Variants in SHISA6 observed in about 807,000 individuals in gnomAD.
SHISA6 encodes the protein protein shisa-6.
SHISA6 carries 22 observed loss-of-function variants against 47.9 expected under a neutral mutation model. That is an observed-to-expected ratio of 0.46 (90% CI 0.33 to 0.66). The LOEUF (loss-of-function observed/expected upper bound fraction) is 0.66. SHISA6 is among the 30% of genes least tolerant of loss of function. SHISA6 has a pLI of 0.02. For missense variants in SHISA6, 680 were observed against 764.6 expected (o/e 0.89, Z 1.30); for synonymous variants, 388 against 337.8 (o/e 1.15, Z -1.63).
intron 3 of SHISA6, among the ~76,000 whole-genome samples, chr17:11,441,288 T>C (rs2142297520): frequency 6.6e-6 from 1 of 152,312 alleles, no homozygotes; most frequent in East Asian, 1.9e-4. Flanking sequence ...AATGGGAAGG[T>C]TTGAAAATAT....
chr17:11,450,381 G>A (rs1915363911), intron 3 of SHISA6, among the ~76,000 whole-genome samples: 3 of 152,082 alleles, frequency 2.0e-5, no homozygotes, highest in Admixed American at 2.0e-4. Context: ...CCAAGGTCGG[G>A]CGCAGTGGCT....
At chr17:11,261,745 G>A (rs993175329) in intron 1 of SHISA6, among the ~76,000 whole-genome samples, 4 of 152,158 alleles carry the variant, frequency 2.6e-5, no homozygotes, top group Admixed American at 2.0e-4. Flanking sequence ...CCCTTTGGCT[G>A]TTATTAATAC....
intron 3 of SHISA6, among the ~76,000 whole-genome samples, chr17:11,482,094 T>C (rs570456942): frequency 6.6e-6 from 1 of 152,086 alleles, no homozygotes; most frequent in African/African-American, 2.4e-5. Flanking sequence ...AAAAATGGAA[T>C]TGAATCAATA....
chr17:11,253,038 A>G (rs370797135), intron 1 of SHISA6, among the ~76,000 whole-genome samples: 1 of 152,202 alleles, frequency 6.6e-6, no homozygotes, highest in African/African-American at 2.4e-5. Flanking sequence ...AGAAGAATAT[A>G]TCGGGCTTTT....
intron 3 of SHISA6, among the ~76,000 whole-genome samples, chr17:11,472,276 G>A (rs1034275425): frequency 3.3e-5 from 5 of 151,786 alleles, no homozygotes; most frequent in African/African-American, 1.2e-4. Flanking sequence ...AGCTTACCAC[G>A]GCCTCGATCT....
At chr17:11,448,383 CCGGG>C (rs199587382) in intron 3 of SHISA6, among the ~76,000 whole-genome samples, 3,252 of 151,686 alleles carry the variant, frequency 0.021, 114 homozygotes, top group African/African-American at 0.075. Context: ...AAAAAATTAG[CCGGG>C]CGTGGTGGTG....
intron 1 of SHISA6, among the ~76,000 whole-genome samples, chr17:11,255,434 T>G (rs1391839930): frequency 6.6e-6 from 1 of 152,228 alleles, no homozygotes; most frequent in East Asian, 1.9e-4. Context: ...CCTGGCCAGT[T>G]TGATCTGTTT....
intron 2 of SHISA6, among the ~76,000 whole-genome samples, chr17:11,300,616 C>T (rs1313113584): frequency 1.3e-5 from 2 of 151,872 alleles, no homozygotes; most frequent in East Asian, 1.9e-4. Flanking sequence ...GCCTGTGTGC[C>T]CTTCTTGGGA....
intron 2 of SHISA6, among the ~76,000 whole-genome samples, chr17:11,368,890 C>T (rs58345877): frequency 0.16 from 23,811 of 152,124 alleles, 1,988 homozygotes; most frequent in East Asian, 0.23. Context: ...CTCCTGACTT[C>T]GTGATCCGCC....
chr17:11,410,252 A>G (rs7219050), intron 3 of SHISA6, among the ~76,000 whole-genome samples: 58,253 of 151,996 alleles, frequency 0.38, 11,426 homozygotes, highest in Middle Eastern at 0.46. Context: ...CCCTCAATCA[A>G]CAACCCTCGG....
At chr17:11,390,816 C>A (rs1475499396) in intron 3 of SHISA6, among the ~76,000 whole-genome samples, 2 of 152,134 alleles carry the variant, frequency 1.3e-5, no homozygotes, top group Non-Finnish European at 2.9e-5. Context: ...AAACCAGCAA[C>A]AGAGACATGT....
chr17:11,538,918 T>A (rs1007304558), intron 3 of SHISA6, among the ~76,000 whole-genome samples: 3 of 152,228 alleles, frequency 2.0e-5, no homozygotes, highest in African/African-American at 7.2e-5. Flanking sequence ...ATCACCTCTT[T>A]GTTTTTTTGT....
intron 2 of SHISA6, among the ~76,000 whole-genome samples, chr17:11,287,772 G>GA (rs1224883540): frequency 1.2e-5 from 1 of 85,488 alleles, no homozygotes; most frequent in Non-Finnish European, 2.4e-5. Flanking sequence ...GGGAAGGAAA[G>GA]AAGGAAGGCC....
chr17:11,299,175 T>C (rs1409332103), intron 2 of SHISA6, among the ~76,000 whole-genome samples: 3 of 152,220 alleles, frequency 2.0e-5, no homozygotes, highest in Non-Finnish European at 4.4e-5. Flanking sequence ...TGACCTCTAG[T>C]ACATTCTATT....
chr17:11,463,231 C>G (rs1915735107), intron 3 of SHISA6, among the ~76,000 whole-genome samples: 1 of 152,170 alleles, frequency 6.6e-6, no homozygotes, highest in African/African-American at 2.4e-5. Context: ...GTACCTACTT[C>G]AAAAGGGTAT....
intron 3 of SHISA6, among the ~76,000 whole-genome samples, chr17:11,414,292 T>G (rs1273908453): frequency 6.6e-6 from 1 of 152,180 alleles, no homozygotes; most frequent in Admixed American, 6.5e-5. Context: ...ATCTCATTCT[T>G]GACTTTGCTA....
chr17:11,390,855 G>A (rs1327113550), intron 3 of SHISA6, among the ~76,000 whole-genome samples: 3 of 152,138 alleles, frequency 2.0e-5, no homozygotes, highest in Non-Finnish European at 4.4e-5. Context: ...TGAAACTCAG[G>A]TATCAGTTGA....
intron 2 of SHISA6, among the ~76,000 whole-genome samples, chr17:11,280,808 G>T (rs1909090786): frequency 6.6e-6 from 1 of 152,234 alleles, no homozygotes; most frequent in Non-Finnish European, 1.5e-5. Context: ...TCAATGGGTT[G>T]AATGGCATGA....
intron 3 of SHISA6, among the ~76,000 whole-genome samples, chr17:11,436,473 C>T (rs1914942965): frequency 6.6e-6 from 1 of 152,192 alleles, no homozygotes; most frequent in South Asian, 2.1e-4. Context: ...TATTAATTCA[C>T]AACTACTTAT....
Sources: gnomAD v4.1 joint callset for allele counts (sites outside exome capture counted in the v4.1 genomes callset) on GRCh38, gnomAD v4.1.1 for gene constraint, MANE v1.5 for transcripts, NCBI Gene and HGNC (gene_info 2026-07-23, HGNC 2026-07-21) for gene names.